Variants in CC2D2A observed in about 807,000 individuals in gnomAD.
CC2D2A encodes the protein coiled-coil and C2 domain-containing protein 2A.
Under a neutral mutation model 212.9 loss-of-function variants are expected in CC2D2A, and 155 were observed. The observed-to-expected ratio is 0.73, with a 90% confidence interval of 0.64 to 0.83. The LOEUF is 0.83. CC2D2A is among the 40% of genes least tolerant of loss of function. CC2D2A has a pLI of 0.00. For missense variants in CC2D2A, 1,856 were observed against 1,956.2 expected, an observed-to-expected ratio of 0.95 and a Z score of 0.97; for synonymous variants, 667 against 686.5, an observed-to-expected ratio of 0.97 and a Z score of 0.44.
rs143681243 is a variant in CC2D2A, at chr4:15,541,021, A to C, written c.2181+7A>C. The C allele has an allele frequency of 2.1e-4, 316 of 1,530,014 alleles. No individual in the cohort carries two copies. In the African/African-American group the frequency reaches 3.4e-3, roughly 16 times the overall value. The allele number at this position is 1,530,014 out of a possible 1,614,324, so 94.8% of individuals were successfully genotyped here. ...GGAGAGTTTAACACTTCAGGTACACATTTTAATTATAGTTACTGGCCGGGC... is the reference window on the plus strand; with the variant it reads ...GGAGAGTTTAACACTTCAGGTACACCTTTTAATTATAGTTACTGGCCGGGC... On this transcript the variant is annotated splice_region_variant and intron_variant, in intron 17 of 36. Transcript: ENST00000424120.
chr4:15,565,939 A>G (rs1719860700), intron 24 of CC2D2A, among the ~76,000 whole-genome samples: 1 of 152,168 alleles, frequency 6.6e-6, no homozygotes, highest in African/African-American at 2.4e-5. Flanking sequence ...AAAGTAACTG[A>G]TGGTTTTCCA....
rs1483006588 is a variant in CC2D2A, at chr4:15,560,564, G to A, written c.2956G>A (p.Ala986Thr). ...RESVINRFLI[A>T]KQYFLLADMI... ...ATCAGTGATAAATCGTTTCTTAATTGCAAAACAATATTTTCTTCTTGCTGA... is the reference window on the plus strand; with the variant it reads ...ATCAGTGATAAATCGTTTCTTAATTACAAAACAATATTTTCTTCTTGCTGA... Residue 986 changes from alanine (A) to threonine (T), a missense_variant, in exon 23 of 37, where the codon GCA (alanine) becomes ACA (threonine). Ala to Thr is a moderately conservative substitution (Grantham distance 58, BLOSUM62 0). Around this residue, in one of 5 missense-constraint regions of CC2D2A, gnomAD observed 1,512 missense variants for 1,579.3 expected, o/e 0.96. Coordinates refer to ENST00000424120, the MANE Select transcript of CC2D2A (RefSeq NM_001378615.1). 7.8e-6 allele frequency: 12 copies of A among 1,531,710 alleles called. No homozygotes were observed. Among genetic ancestry groups the A allele is most frequent in the South Asian group, 1.2e-5 (1 of 83,794 alleles). 94.9% of individuals were successfully genotyped at this position (1,531,710 alleles called of 1,614,324 possible).
At chr4:15,538,188 C>CA (rs1358650161) in intron 16 of CC2D2A, 51 bp downstream of exon 16, 83 of 1,473,810 alleles carry the variant, frequency 5.6e-5, no homozygotes, top group Non-Finnish European at 7.0e-5. Context: ...TACACATGTT[C>CA]ACGTGGGCAC....
intron 32 of CC2D2A, among the ~76,000 whole-genome samples, chr4:15,589,022 T>C (rs1249556424): frequency 1.6e-4 from 24 of 151,964 alleles, no homozygotes; most frequent in Admixed American, 1.6e-3. Flanking sequence ...ACAAGGGACT[T>C]CTACTTCCCC....
At position 15,478,544 on chromosome 4, in the gene CC2D2A, A is replaced by C. The variant is rs148503729; in HGVS notation, c.40-179A>C. ...AATATGGATACGACTTTTCGAAAAC[A>C]TGTCTATGTTGAGAAGAGTGGATGA... On this transcript the variant is annotated intron_variant, in intron 2 of 36. Coordinates refer to ENST00000424120, the MANE Select transcript of CC2D2A (RefSeq NM_001378615.1). Among the ~76,000 whole-genome samples, 881 of 152,294 alleles carry C rather than the reference A, an allele frequency of 5.8e-3. 7 individuals carry two copies. Among genetic ancestry groups the C allele is most frequent in the African/African-American group, 0.02 (850 of 41,566 alleles).
chr4:15,491,814 T>A (rs369130374), intron 4 of CC2D2A, among the ~76,000 whole-genome samples: 2 of 152,230 alleles, frequency 1.3e-5, no homozygotes, highest in East Asian at 3.8e-4. Context: ...TTTGAAAATA[T>A]TTTCTCCAAG....
rs997637353 is a variant in CC2D2A at position 15,541,020 on chromosome 4, C to T, written c.2181+6C>T. ...CGGAGAGTTTAACACTTCAGGTACACATTTTAATTATAGTTACTGGCCGGG... is the reference window on the plus strand; with the variant it reads ...CGGAGAGTTTAACACTTCAGGTACATATTTTAATTATAGTTACTGGCCGGG... On this transcript the variant is annotated splice_donor_region_variant and intron_variant, in intron 17 of 36. Coordinates refer to ENST00000424120, the MANE Select transcript of CC2D2A (RefSeq NM_001378615.1). 7 of 1,530,906 alleles carry T rather than the reference C, an allele frequency of 4.6e-6. No individual in the cohort carries two copies. In the African/African-American group the frequency reaches 9.7e-5, roughly 21 times the overall value. The allele number at this position is 1,530,906 out of a possible 1,614,324, so 94.8% of individuals were successfully genotyped here. A position where few individuals can be genotyped will look rare whatever the true frequency, so the allele number is the denominator to read the frequency against.
intron 11 of CC2D2A, among the ~76,000 whole-genome samples, chr4:15,517,608 G>A (rs1716958588): frequency 6.6e-6 from 1 of 152,154 alleles, no homozygotes; most frequent in Non-Finnish European, 1.5e-5. Flanking sequence ...GGCTTGCTGT[G>A]TAAATTGAAT....
chr4:15,525,643 C>G (rs1218657816), intron 11 of CC2D2A, among the ~76,000 whole-genome samples: 1 of 152,134 alleles, frequency 6.6e-6, no homozygotes, highest in African/African-American at 2.4e-5. Context: ...GGAAGCTGAT[C>G]CATGTCCCAG....
At chr4:15,542,984 C>T (rs1381296689) in intron 17 of CC2D2A, among the ~76,000 whole-genome samples, 3 of 152,158 alleles carry the variant, frequency 2.0e-5, no homozygotes, top group East Asian at 1.9e-4. Flanking sequence ...AGAGAGGAAG[C>T]GGTGCCAAGA....
rs1718166919 is a variant in CC2D2A, at chr4:15,537,003, CGGA to C, written c.1696_1698del (p.Glu566del). On this transcript the variant is annotated inframe_deletion, in exon 15 of 37. Transcript: ENST00000424120. ...ATAAGTGAACTGTTAGAAGAGCACA[CGGA>C]GGAGTACGCACAGAAGATGGAAGAA... The C allele has an allele frequency of 6.2e-7, 1 of 1,613,480 alleles. No individual in the cohort carries two copies. The highest frequency in any genetic ancestry group is 1.3e-5 in the African/African-American group (1 of 75,004).
intron 28 of CC2D2A, among the ~76,000 whole-genome samples, chr4:15,573,076 T>A (rs1329455066): frequency 6.6e-6 from 1 of 152,086 alleles, no homozygotes; most frequent in South Asian, 2.1e-4. Context: ...CAAATGTTAA[T>A]CTCCCTTGGC....
intron 6 of CC2D2A, among the ~76,000 whole-genome samples, chr4:15,507,629 A>G (rs1716338060): frequency 6.6e-6 from 1 of 152,240 alleles, no homozygotes; most frequent in Admixed American, 6.5e-5. Context: ...GAGAAAAGGC[A>G]TACACATTTA....
At chr4:15,491,747 T>C (rs113958312) in intron 4 of CC2D2A, among the ~76,000 whole-genome samples, 9 of 152,356 alleles carry the variant, frequency 5.9e-5, no homozygotes, top group African/African-American at 2.2e-4. Flanking sequence ...TGTCTTACTA[T>C]AGAGTTGTAA....
intron 23 of CC2D2A, 57 bp from the exon 24 acceptor site, chr4:15,563,298 A>T: frequency 6.7e-7 from 1 of 1,500,352 alleles, no homozygotes; most frequent in Non-Finnish European, 9.0e-7. Context: ...AAGTCGTCTC[A>T]CAATTTTGCA....
At chr4:15,492,353 T>C (rs903450488) in intron 4 of CC2D2A, among the ~76,000 whole-genome samples, 1 of 152,196 alleles carries the variant, frequency 6.6e-6, no homozygotes, top group East Asian at 1.9e-4. Flanking sequence ...AGTAGCCTCC[T>C]AACTGATCTT....
intron 10 of CC2D2A, 28 bp downstream of exon 10, chr4:15,516,032 G>A (rs377512220): frequency 6.4e-7 from 1 of 1,561,886 alleles, no homozygotes; most frequent in African/African-American, 1.4e-5. Context: ...GCTCTCAGGT[G>A]TAGCCTGGGC....
intron 32 of CC2D2A, 104 bp from the exon 33 acceptor site, chr4:15,589,441 G>C: frequency 1.0e-6 from 1 of 991,286 alleles, no homozygotes; most frequent in Non-Finnish European, 1.5e-6. Context: ...TGAAATTTCA[G>C]AAATTAAGGG....
chr4:15,524,601 C>T (rs1273489386), intron 11 of CC2D2A, among the ~76,000 whole-genome samples: 1 of 151,968 alleles, frequency 6.6e-6, no homozygotes, highest in African/African-American at 2.4e-5. Flanking sequence ...CAGGTGCCCG[C>T]CACCACGCTC....
Sources: gnomAD v4.1 joint callset for allele counts (sites outside exome capture counted in the v4.1 genomes callset) on GRCh38, gnomAD v4.1.1 for gene constraint, gnomAD v4.1.1 regional missense constraint, MANE v1.5 for transcripts, NCBI Gene and HGNC (gene_info 2026-07-23, HGNC 2026-07-21) for gene names.